Variants in LRRC7 observed in about 807,000 individuals in gnomAD.
The protein encoded by LRRC7 is leucine-rich repeat-containing protein 7.
Under a neutral mutation model 175.7 loss-of-function variants are expected in LRRC7, and 23 were observed. That is an observed-to-expected ratio of 0.13 (90% CI 0.09 to 0.19). The LOEUF (loss-of-function observed/expected upper bound fraction) is 0.19. LRRC7 is among the 10% of genes least tolerant of loss of function. The pLI is 1.00. For synonymous variants in LRRC7, 685 were observed against 680.9 expected (o/e 1.01, Z -0.09); for missense variants, 1,354 against 1,904.7 (o/e 0.71, Z 5.38).
In LRRC7 at chr1:69,571,706, T is replaced by G. The variant is rs189079686; in HGVS notation, c.2+3065T>G. 9.5e-4 allele frequency among the ~76,000 whole-genome samples: 144 copies of G among 152,228 alleles called. 1 individual carries two copies. Among genetic ancestry groups the G allele is most frequent in the Middle Eastern group, 3.4e-3 (1 of 294 alleles). ...AAATTACACTTAGAGATACTAAAAT[T>G]TTATTTGCTGAATGACTGTGGCCCC... On this transcript the variant is annotated intron_variant, in intron 1 of 26. Coordinates refer to ENST00000651989, the MANE Select transcript of LRRC7 (RefSeq NM_001370785.2).
intron 2 of LRRC7, among the ~76,000 whole-genome samples, chr1:69,749,553 A>C (rs564799370): frequency 3.3e-5 from 5 of 152,208 alleles, no homozygotes; most frequent in Non-Finnish European, 7.3e-5. Flanking sequence ...CTATCAACCA[A>C]AAAGTTCCAA....
intron 4 of LRRC7, among the ~76,000 whole-genome samples, chr1:69,815,170 C>A (rs1033868671): frequency 6.6e-6 from 1 of 152,122 alleles, no homozygotes; most frequent in African/African-American, 2.4e-5. Flanking sequence ...TGGGGATTCC[C>A]TTTGCCTCTC....
intron 4 of LRRC7, among the ~76,000 whole-genome samples, chr1:69,822,921 T>G (rs1679469304): frequency 6.6e-6 from 1 of 152,234 alleles, no homozygotes; most frequent in Non-Finnish European, 1.5e-5. Flanking sequence ...ATCTTGCTTA[T>G]GTCACTGAAA....
rs916016742 is a variant in LRRC7, at chr1:69,932,242, A to T, written c.711+672A>T. 2.6e-5 allele frequency among the ~76,000 whole-genome samples: 4 copies of T among 152,184 alleles called. No individual in the cohort carries two copies. In the East Asian group the frequency reaches 7.7e-4, roughly 29 times the overall value. ...TTCCACTTGAATATCTCAAATTTCA[A>T]AAAATTCAATTCATCTAAAGTGTAT... On this transcript the variant is annotated intron_variant, in intron 8 of 26. Coordinates refer to ENST00000651989, the MANE Select transcript of LRRC7 (RefSeq NM_001370785.2).
At chr1:70,020,536 C>A (rs1485997641) in intron 15 of LRRC7, among the ~76,000 whole-genome samples, 1 of 151,962 alleles carries the variant, frequency 6.6e-6, no homozygotes, top group Non-Finnish European at 1.5e-5. Flanking sequence ...TTAGCAGTTA[C>A]AAATAAGGAT....
At chr1:69,929,424 C>T (rs1647198542) in intron 7 of LRRC7, among the ~76,000 whole-genome samples, 1 of 152,178 alleles carries the variant, frequency 6.6e-6, no homozygotes, top group Non-Finnish European at 1.5e-5. Context: ...ACTTGCAACT[C>T]CATCCTTCTA....
Position 70,106,163 on chromosome 1 carries a change from A to C in LRRC7, c.4546-1589A>C, listed in dbSNP as rs1665130465. ...AAAAAACTATTAACAGTTATATTGAAATATAGTTGATATTCTACAATTTAA... is the reference window on the plus strand; with the variant it reads ...AAAAAACTATTAACAGTTATATTGACATATAGTTGATATTCTACAATTTAA... On this transcript the variant is annotated intron_variant, in intron 25 of 26. Coordinates refer to ENST00000651989, the MANE Select transcript of LRRC7 (RefSeq NM_001370785.2). 2.0e-5 allele frequency among the ~76,000 whole-genome samples: 3 copies of C among 152,162 alleles called. No individual in the cohort carries two copies. The South Asian group carries it at 6.2e-4, about 32-fold the overall frequency.
rs1185973076 is a variant in LRRC7 at position 69,985,004 on chromosome 1, G to A, written c.787-1238G>A. On this transcript the variant is annotated intron_variant, in intron 9 of 26. Transcript: ENST00000651989. ...GCTTCGTCACACTTTATAAAGGCAC[G>A]TGCTGTTCTCCCTTCCAGGTACAGG... Among the ~76,000 whole-genome samples the A allele has an allele frequency of 2.6e-5, 4 of 152,112 alleles. No homozygotes were observed. In the South Asian group the frequency reaches 6.2e-4, roughly 24 times the overall value.
chr1:69,775,574 C>A (rs1256590646), intron 3 of LRRC7, among the ~76,000 whole-genome samples: 2 of 152,158 alleles, frequency 1.3e-5, no homozygotes. Flanking sequence ...TGAAGCTGAC[C>A]TTGCATAGAA....
intron 7 of LRRC7, among the ~76,000 whole-genome samples, chr1:69,881,601 G>A (rs1401241510): frequency 1.3e-5 from 2 of 152,088 alleles, no homozygotes; most frequent in Admixed American, 1.3e-4. Flanking sequence ...AAGGCAGGCT[G>A]GGTATGGTGA....
intron 14 of LRRC7, 64 bp from the exon 15 acceptor site, chr1:70,018,655 C>T: frequency 1.8e-6 from 2 of 1,081,098 alleles, no homozygotes; most frequent in South Asian, 1.6e-5. Flanking sequence ...TGAGTGAGAC[C>T]AGACTATTGA....
At chr1:69,731,034 G>A (rs1006020169) in intron 2 of LRRC7, among the ~76,000 whole-genome samples, 8 of 152,084 alleles carry the variant, frequency 5.3e-5, no homozygotes, top group African/African-American at 1.7e-4. Flanking sequence ...GGGTGCAGTG[G>A]CTCACACCTG....
chr1:70,064,131 C>T (rs2102093375), intron 23 of LRRC7, among the ~76,000 whole-genome samples: 1 of 152,034 alleles, frequency 6.6e-6, no homozygotes, highest in Non-Finnish European at 1.5e-5. Flanking sequence ...ACCAAAACCC[C>T]AGGACAGGAG....
At chr1:70,065,980 C>G (rs1250901984) in intron 23 of LRRC7, among the ~76,000 whole-genome samples, 1 of 151,968 alleles carries the variant, frequency 6.6e-6, no homozygotes, top group Non-Finnish European at 1.5e-5. Context: ...GCAAAACTTT[C>G]ATTGGGAGAA....
intron 8 of LRRC7, among the ~76,000 whole-genome samples, chr1:69,972,706 G>C (rs1652369796): frequency 1.3e-5 from 2 of 151,948 alleles, no homozygotes; most frequent in Admixed American, 6.6e-5. Flanking sequence ...GGAAAACAGT[G>C]TGGTGATTCC....
intron 17 of LRRC7, among the ~76,000 whole-genome samples, chr1:70,024,789 G>A (rs1463317834): frequency 6.6e-6 from 1 of 151,984 alleles, no homozygotes; most frequent in Non-Finnish European, 1.5e-5. Flanking sequence ...CTGATGCACT[G>A]CATATACCCA....
intron 8 of LRRC7, among the ~76,000 whole-genome samples, chr1:69,962,996 A>T (rs912536571): frequency 1.3e-5 from 2 of 152,016 alleles, no homozygotes; most frequent in East Asian, 1.9e-4. Flanking sequence ...AAAGTTTTTA[A>T]AAAAAAACAA....
At chr1:69,838,780 C>G (rs1009308631) in intron 7 of LRRC7, among the ~76,000 whole-genome samples, 9 of 151,910 alleles carry the variant, frequency 5.9e-5, no homozygotes, top group Admixed American at 2.6e-4. Flanking sequence ...TTCATTTTTA[C>G]TAGTCTATTT....
intron 3 of LRRC7, among the ~76,000 whole-genome samples, chr1:69,787,173 G>A (rs571541435): frequency 1.1e-4 from 16 of 152,352 alleles, no homozygotes; most frequent in African/African-American, 1.9e-4. Flanking sequence ...TCCAGGTCAC[G>A]CTGTTGCAAG....
Sources: allele counts gnomAD v4.1 joint callset (sites outside exome capture counted in the v4.1 genomes callset), GRCh38; gene constraint gnomAD v4.1.1; transcripts MANE v1.5; gene names NCBI Gene and HGNC (gene_info 2026-07-23, HGNC 2026-07-21).